The following EXOSC1 variants were observed in gnomAD, a reference collection of about 807,000 sequenced individuals.
EXOSC1 encodes the protein exosome component 1.
Under a neutral mutation model 31.4 loss-of-function variants are expected in EXOSC1, and 27 were observed. The ratio of observed to expected loss-of-function variants is 0.86; its 90% CI spans 0.63 to 1.18. EXOSC1 has a LOEUF of 1.18. Ranked by LOEUF, EXOSC1 falls within the 50% of genes most tolerant of loss-of-function variation. The pLI, the probability that EXOSC1 is intolerant of heterozygous loss-of-function variation, is 0.00. For synonymous variants in EXOSC1, 84 were observed against 89.5 expected (o/e 0.94, Z 0.35); for missense variants, 228 against 250.3 (o/e 0.91, Z 0.60).
intron 3 of EXOSC1, 137 bp downstream of exon 3, chr10:97,443,100 C>A (rs2133156076): frequency 1.4e-6 from 1 of 716,530 alleles, no homozygotes; most frequent in Non-Finnish European, 2.4e-6. Flanking sequence ...GCTAGAATTA[C>A]CAGTGTGAGC....
rs1249121371 is a variant in EXOSC1 at position 97,437,252 on chromosome 10, G to T, written c.420C>A (p.Ser140=). The T allele has an allele frequency of 1.2e-6, 2 of 1,613,914 alleles. No homozygotes were observed. The highest frequency in any genetic ancestry group is 2.2e-5 in the South Asian group (2 of 91,070). The part of the protein sequence containing the change: ...AKVISLGDAQ[S]NYLLTTAENE... ...TCTCGGCGGTGGTTAGCAGGTAGTT[G>T]GACTGTGCATCACCTAAGGAGATCT... is the stretch of plus-strand genomic sequence containing the variant. The change falls in exon 7 of 8, where the codon TCC becomes TCA. Residue 140 remains serine (S), a synonymous_variant. Coordinates refer to ENST00000370902, the MANE Select transcript of EXOSC1 (RefSeq NM_016046.5).
rs76395721 is a variant in EXOSC1 at position 97,438,618 on chromosome 10, T to C, written c.345+52A>G. On this transcript the variant is annotated intron_variant, in intron 5 of 7. Transcript: ENST00000370902. ...CCATGCCTGGCCTGAGATAATACTT[T>C]TAAGGGATTGAGATACGTAAAGCCA... The C allele has an allele frequency of 1.1e-3, 1,703 of 1,563,996 alleles. 24 individuals are homozygous for C. In the African/African-American group the frequency reaches 0.021, roughly 20 times the overall value.
At chr10:97,436,613 T>C (rs1845545777) in intron 7 of EXOSC1, 62 bp from the exon 8 acceptor site, 3 of 1,472,472 alleles carry the variant, frequency 2.0e-6, no homozygotes, top group Admixed American at 4.9e-5. Flanking sequence ...ACTCCTCTTT[T>C]ATGCTGGGTA....
chr10:97,443,273 C>G lies in EXOSC1; in HGVS notation c.186G>C (p.Gln62His), dbSNP rs764382222. The G allele has an allele frequency of 3.7e-6, 6 of 1,614,016 alleles. No individual in the cohort carries two copies. The Admixed American group carries it at 8.3e-5, about 22-fold the overall frequency. Residue 62 changes from glutamine to histidine, a missense_variant, in exon 3 of 8, where the codon CAG (glutamine) becomes CAC (histidine). By Grantham distance (24) the Gln-to-His change is conservative. Transcript: ENST00000370902. ...VVSVVRETES[Q>H]LLPDVGAIVT... ...CAATAGCTCCCACATCTGGCAGTAACTGGGACTCTGTTTCTCTCACTACAG... is the reference window on the plus strand; with the variant it reads ...CAATAGCTCCCACATCTGGCAGTAAGTGGGACTCTGTTTCTCTCACTACAG...
chr10:97,441,488 T>G (rs918377887), intron 3 of EXOSC1, among the ~76,000 whole-genome samples: 1 of 144,006 alleles, frequency 6.9e-6, no homozygotes, highest in African/African-American at 2.6e-5. Context: ...TGGTATGGGT[T>G]TTTTTTTTTT....
At chr10:97,440,059 GC>G (rs1845667643) in intron 4 of EXOSC1, among the ~76,000 whole-genome samples, 2 of 146,506 alleles carry the variant, frequency 1.4e-5, no homozygotes, top group Admixed American at 1.4e-4. Flanking sequence ...CGCAAGCTCC[GC>G]CTCCCAGGTT....
chr10:97,437,659 T>G (rs754500741), intron 6 of EXOSC1, 41 bp downstream of exon 6: 1 of 1,600,812 alleles, frequency 6.2e-7, no homozygotes, highest in South Asian at 1.1e-5. Flanking sequence ...CCTTCTCTTC[T>G]TTTGACAAAG....
chr10:97,442,677 T>G (rs1845754842), intron 3 of EXOSC1, among the ~76,000 whole-genome samples: 1 of 152,050 alleles, frequency 6.6e-6, no homozygotes, highest in Admixed American at 6.6e-5. Context: ...CCTGGCTAAT[T>G]TTTTATTCTT....
rs1042341471 is a variant in EXOSC1, at chr10:97,437,702, C to T, written c.394G>A (p.Val132Met). ...FRPGDIVLAK[V>M]ISLGDAQSNY... ...AGTCTGCTGGGAATAAAGGATACCACTTTGGCCAAGACAATGTCACCTGGG... is the reference window on the plus strand; with the variant it reads ...AGTCTGCTGGGAATAAAGGATACCATTTTGGCCAAGACAATGTCACCTGGG... Residue 132 changes from valine to methionine, a missense_variant and splice_region_variant, in exon 6 of 8, where the codon GTG (valine) becomes ATG (methionine). Val to Met is a conservative substitution (Grantham distance 21, BLOSUM62 1). Coordinates refer to ENST00000370902, the MANE Select transcript of EXOSC1 (RefSeq NM_016046.5). 5.0e-6 allele frequency: 8 copies of T among 1,613,164 alleles called. No individual in the cohort carries two copies. Among genetic ancestry groups the T allele is most frequent in the Non-Finnish European group, 5.9e-6 (7 of 1,179,454 alleles).
intron 1 of EXOSC1, 25 bp downstream of exon 1, chr10:97,445,930 C>G: frequency 1.2e-6 from 2 of 1,614,128 alleles, no homozygotes; most frequent in Non-Finnish European, 1.7e-6. Flanking sequence ...CTATCCAGGA[C>G]TCTGTACGGG....
chr10:97,437,326 C>A lies in EXOSC1; in HGVS notation c.397-51G>T, dbSNP rs147866756. 57 of 1,385,560 alleles carry A rather than the reference C, an allele frequency of 4.1e-5. 1 individual carries two copies. In the East Asian group the frequency reaches 1.1e-3, roughly 28 times the overall value. The allele number at this position is 1,385,560 out of a possible 1,614,324, so 85.8% of individuals were successfully genotyped here. ...AAATGAGGAGTTAGAAGTCTTCCCC[C>A]ACCTTAGCCACCTGAGTTGTTTTTC... On this transcript the variant is annotated intron_variant, in intron 6 of 7. Coordinates refer to ENST00000370902, the MANE Select transcript of EXOSC1 (RefSeq NM_016046.5).
chr10:97,436,504 T>G lies in EXOSC1; in HGVS notation c.529A>C (p.Thr177Pro), dbSNP rs777025835. ...ISWCEMQCPK[T>P]HTKEFRKVAR... ...ACTTTCCGGAATTCTTTAGTGTGGG[T>G]CTTAGGGCACTGCATCTCACACCAG... Residue 177 changes from threonine (T) to proline (P), a missense_variant, in exon 8 of 8, where the codon ACC becomes CCC. Transcript: ENST00000370902. 7.4e-6 allele frequency: 12 copies of G among 1,612,666 alleles called. No homozygotes were observed. The Admixed American group carries it at 1.5e-4, about 20-fold the overall frequency.
At chr10:97,440,515 A>ATTT (rs397846677) in intron 4 of EXOSC1, among the ~76,000 whole-genome samples, 1 of 124,260 alleles carries the variant, frequency 8.0e-6, no homozygotes, top group African/African-American at 3.1e-5. Flanking sequence ...TGCCCAGCTA[A>ATTT]TTTTTTTTTT....
Position 97,445,981 on chromosome 10 carries a change from G to C in EXOSC1, c.5C>G (p.Ala2Gly). The C allele has an allele frequency of 1.2e-6, 2 of 1,614,196 alleles. No individual in the cohort carries two copies. The highest frequency in any genetic ancestry group is 4.5e-5 in the East Asian group (2 of 44,882). Residue 2 changes from alanine (A) to glycine (G), a missense_variant, in exon 1 of 8, where the codon GCG becomes GGG. Transcript: ENST00000370902. ...GGGGATGCAGTATCTCACAGGTGGCGCCATGATTGCCGCTGTCCCAAAACC... is the reference window on the plus strand; with the variant it reads ...GGGGATGCAGTATCTCACAGGTGGCCCCATGATTGCCGCTGTCCCAAAACC... M[A>G]PPVRYCIPGE...
chr10:97,443,325 A>G lies in EXOSC1; in HGVS notation c.148-14T>C, dbSNP rs1845774806. 1.2e-6 allele frequency: 2 copies of G among 1,611,732 alleles called. No individual in the cohort carries two copies. Among genetic ancestry groups the G allele is most frequent in the Admixed American group, 3.4e-5 (2 of 59,402 alleles). ...CACCACTGGAAGCTACAGAGGGAAC[A>G]ACAAAAAACTGAAATGTCCTGACTA... is the stretch of plus-strand genomic sequence containing the variant. On this transcript the variant is annotated splice_polypyrimidine_tract_variant and intron_variant, in intron 2 of 7. Transcript: ENST00000370902.
At chr10:97,437,137 A>G (rs1845561953) in intron 7 of EXOSC1, 54 bp downstream of exon 7, 1 of 1,480,978 alleles carries the variant, frequency 6.8e-7, no homozygotes, top group Non-Finnish European at 9.4e-7. Flanking sequence ...CAATGGATTT[A>G]TCCCAAACCA....
intron 3 of EXOSC1, among the ~76,000 whole-genome samples, chr10:97,442,010 G>A (rs1301649352): frequency 6.6e-6 from 1 of 151,086 alleles, no homozygotes; most frequent in Non-Finnish European, 1.5e-5. Context: ...AACCCCACCT[G>A]TACTAAAAAT....
chr10:97,441,115 G>A, intron 4 of EXOSC1, 56 bp downstream of exon 4: 3 of 1,407,908 alleles, frequency 2.1e-6, no homozygotes, highest in Non-Finnish European at 3.0e-6. Flanking sequence ...TGGTGTCCTA[G>A]TCTATCCTAA....
chr10:97,440,270 C>A (rs1365904425), intron 4 of EXOSC1, among the ~76,000 whole-genome samples: 3 of 152,176 alleles, frequency 2.0e-5, no homozygotes, highest in Non-Finnish European at 2.9e-5. Context: ...CCACGCCCAG[C>A]CTGCCTTCTA....
Sources: gnomAD v4.1 joint callset for allele counts (sites outside exome capture counted in the v4.1 genomes callset) on GRCh38, gnomAD v4.1.1 for gene constraint, MANE v1.5 for transcripts, NCBI Gene and HGNC (gene_info 2026-07-23, HGNC 2026-07-21) for gene names.